SGK2: variants seen among roughly 807,000 people sequenced by gnomAD.
The protein encoded by SGK2 is serum/glucocorticoid regulated kinase 2.
A neutral mutation model predicts 47.5 loss-of-function variants in SGK2; 36 were observed. The ratio of observed to expected loss-of-function variants is 0.76; its 90% CI spans 0.58 to 1.00. The LOEUF is 1.00. Ranked by LOEUF, SGK2 falls within the 50% of genes least tolerant of loss-of-function variation. The pLI is 0.00. For synonymous variants in SGK2, 157 were observed against 181.9 expected, an observed-to-expected ratio of 0.86 and a Z score of 1.10; for missense variants, 404 against 467.4, an observed-to-expected ratio of 0.86 and a Z score of 1.25.
rs190685310 is a variant in SGK2 at position 43,584,204 on chromosome 20, G to C, written c.940-648G>C. On this transcript the variant is annotated intron_variant, in intron 12 of 12. Coordinates refer to ENST00000373100, the MANE Select transcript of SGK2 (RefSeq NM_170693.3). ...TGGGGCTGTTCACATGGTGGCATCA[G>C]GGTTAGAAGTACAGCAAGAGAGCAA... Among the ~76,000 whole-genome samples, 884 of 152,220 alleles carry C rather than the reference G, an allele frequency of 5.8e-3. 8 individuals carry two copies. The highest frequency in any genetic ancestry group is 0.02 in the African/African-American group (829 of 41,520).
Position 43,584,986 on chromosome 20 carries a change from G to T in SGK2, c.1074G>T (p.Ala358=). Residue 358 remains alanine, a synonymous_variant, in exon 13 of 13, where the codon GCG becomes GCT. Transcript: ENST00000373100. ...ASSAFLGFSY[A]PEDDDILDC ...GTGCATTCCTGGGATTTTCTTATGC[G>T]CCAGAGGATGATGACATCTTGGATT... The T allele has an allele frequency of 1.2e-6, 2 of 1,613,996 alleles. No homozygotes were observed. Among genetic ancestry groups the T allele is most frequent in the African/African-American group, 1.3e-5 (1 of 75,014 alleles).
chr20:43,568,212 A>G (rs1414598179), intron 5 of SGK2, among the ~76,000 whole-genome samples: 1 of 152,202 alleles, frequency 6.6e-6, no homozygotes, highest in Admixed American at 6.5e-5. Context: ...CAGGAAAACC[A>G]GCCTGGCTTT....
At chr20:43,564,327 A>G (rs1051406067) in intron 1 of SGK2, among the ~76,000 whole-genome samples, 2 of 152,208 alleles carry the variant, frequency 1.3e-5, no homozygotes, top group Non-Finnish European at 2.9e-5. Context: ...TGAGCTAGAC[A>G]CCCAGGCTCC....
At chr20:43,570,944 A>T (rs1980072249) in intron 7 of SGK2, 80 bp from the exon 8 acceptor site, 1 of 1,605,024 alleles carries the variant, frequency 6.2e-7, no homozygotes, top group African/African-American at 1.3e-5. Flanking sequence ...TCCTGCCAGG[A>T]CCACCCCCCG....
intron 8 of SGK2, among the ~76,000 whole-genome samples, chr20:43,571,282 A>C (rs1323098353): frequency 6.6e-6 from 1 of 152,264 alleles, no homozygotes; most frequent in Non-Finnish European, 1.5e-5. Context: ...ATGCATGTAC[A>C]TAGGGGGCAG....
intron 11 of SGK2, among the ~76,000 whole-genome samples, chr20:43,578,001 G>A (rs781117649): frequency 9.2e-5 from 14 of 152,118 alleles, no homozygotes; most frequent in Non-Finnish European, 1.9e-4. Context: ...CCCAGGCTGG[G>A]CAAATGGGAT....
At chr20:43,561,751 C>T (rs1979399249) in intron 1 of SGK2, among the ~76,000 whole-genome samples, 1 of 152,058 alleles carries the variant, frequency 6.6e-6, no homozygotes, top group Non-Finnish European at 1.5e-5. Context: ...AACTAAGGCA[C>T]ATGATCTGAT....
intron 1 of SGK2, among the ~76,000 whole-genome samples, chr20:43,559,660 C>T (rs939513909): frequency 3.3e-5 from 5 of 152,174 alleles, no homozygotes; most frequent in Non-Finnish European, 7.3e-5. Context: ...GAACAAGTTA[C>T]AGTGAAGACA....
chr20:43,560,359 C>A (rs1040377664), intron 1 of SGK2, among the ~76,000 whole-genome samples: 4 of 152,000 alleles, frequency 2.6e-5, no homozygotes, highest in Non-Finnish European at 5.9e-5. Context: ...ATTAGCCGAG[C>A]GTCGTGACAC....
rs188084726 is a variant in SGK2 at position 43,584,652 on chromosome 20, C to T, written c.940-200C>T. 1.3e-4 allele frequency among the ~76,000 whole-genome samples: 20 copies of T among 152,204 alleles called. 1 individual carries two copies. Among genetic ancestry groups the T allele is most frequent in the African/African-American group, 4.1e-4 (17 of 41,528 alleles). On this transcript the variant is annotated intron_variant, in intron 12 of 12. Coordinates refer to ENST00000373100, the MANE Select transcript of SGK2 (RefSeq NM_170693.3). ...TATGTTGATTAACTGACTTGCCTGA[C>T]GATTGGTGTGGAGGCAGAATACCAG...
At chr20:43,567,792 C>T in intron 4 of SGK2, 70 bp downstream of exon 4, 1 of 1,570,382 alleles carries the variant, frequency 6.4e-7, no homozygotes, top group South Asian at 1.1e-5. Flanking sequence ...CCTGCTGCCA[C>T]TTGTATGTAT....
intron 1 of SGK2, among the ~76,000 whole-genome samples, chr20:43,559,976 A>C (rs181158787): frequency 2.0e-4 from 31 of 152,150 alleles, no homozygotes; most frequent in Admixed American, 4.6e-4. Context: ...AAGAGTTAGG[A>C]GAATATATTG....
chr20:43,584,024 G>C (rs1174626038), intron 12 of SGK2, among the ~76,000 whole-genome samples: 1 of 152,148 alleles, frequency 6.6e-6, no homozygotes, highest in African/African-American at 2.4e-5. Context: ...AGTCAGGCCA[G>C]CTGGTCTCTG....
At chr20:43,562,180 G>C (rs551705733) in intron 1 of SGK2, among the ~76,000 whole-genome samples, 2 of 152,008 alleles carry the variant, frequency 1.3e-5, no homozygotes, top group South Asian at 4.2e-4. Flanking sequence ...TTGGGAGGCC[G>C]AGGCAGGAGG....
chr20:43,577,541 G>A (rs1008728064), intron 11 of SGK2, among the ~76,000 whole-genome samples: 1 of 150,484 alleles, frequency 6.6e-6, no homozygotes, highest in African/African-American at 2.4e-5. Flanking sequence ...TAGTAGAGAC[G>A]GGGTTTCACC....
intron 1 of SGK2, among the ~76,000 whole-genome samples, chr20:43,564,318 G>A (rs1371678590): frequency 1.3e-5 from 2 of 152,246 alleles, no homozygotes; most frequent in African/African-American, 2.4e-5. Context: ...AGGCTGGACT[G>A]AGCTAGACAC....
At chr20:43,563,546 A>G (rs1979514376) in intron 1 of SGK2, among the ~76,000 whole-genome samples, 1 of 152,222 alleles carries the variant, frequency 6.6e-6, no homozygotes, top group South Asian at 2.1e-4. Context: ...ACTGGAGACA[A>G]GGAGTCCAGA....
intron 8 of SGK2, 98 bp downstream of exon 8, chr20:43,571,158 G>C: frequency 6.5e-7 from 1 of 1,547,988 alleles, no homozygotes; most frequent in Non-Finnish European, 8.8e-7. Flanking sequence ...GGGTGTGCAT[G>C]CATTGTACAT....
At chr20:43,578,247 G>A (rs1024745697) in intron 11 of SGK2, among the ~76,000 whole-genome samples, 8 of 152,114 alleles carry the variant, frequency 5.3e-5, no homozygotes, top group African/African-American at 1.7e-4. Flanking sequence ...CACTTTGGGA[G>A]GCCAAGGCGG....
Sources: gnomAD v4.1 joint callset for allele counts (sites outside exome capture counted in the v4.1 genomes callset) on GRCh38, gnomAD v4.1.1 for gene constraint, MANE v1.5 for transcripts, NCBI Gene and HGNC (gene_info 2026-07-23, HGNC 2026-07-21) for gene names.